GRM8: variants seen among roughly 807,000 people sequenced by gnomAD.
The protein encoded by GRM8 is glutamate metabotropic receptor 8, also known as metabotropic glutamate receptor 8.
Under a neutral mutation model 87.2 loss-of-function variants are expected in GRM8, and 47 were observed. The observed-to-expected ratio is 0.54, with a 90% CI of 0.43 to 0.69. The LOEUF is 0.69. Ranked by LOEUF, GRM8 falls within the 30% of genes least tolerant of loss-of-function variation. GRM8 has a pLI of 0.00. For missense variants in GRM8, 1,019 were observed against 1,139.2 expected (o/e 0.89, Z 1.52); for synonymous variants, 396 against 404.5 (o/e 0.98, Z 0.25).
intron 7 of GRM8, among the ~76,000 whole-genome samples, chr7:126,684,672 C>A (rs1310425974): frequency 6.6e-6 from 1 of 152,112 alleles, no homozygotes; most frequent in African/African-American, 2.4e-5. Context: ...CAGACAGGCT[C>A]AGGATTAAAT....
At chr7:127,193,247 G>A (rs1587243287) in intron 2 of GRM8, among the ~76,000 whole-genome samples, 2 of 152,096 alleles carry the variant, frequency 1.3e-5, no homozygotes, top group East Asian at 3.9e-4. Context: ...CTCGACAAAA[G>A]AACACAACAT....
chr7:126,652,829 C>G (rs1804063173), intron 7 of GRM8, among the ~76,000 whole-genome samples: 1 of 151,986 alleles, frequency 6.6e-6, no homozygotes, highest in Non-Finnish European at 1.5e-5. Context: ...TCTAAAGAAC[C>G]CTGACCAATA....
At chr7:126,630,157 A>G (rs1301252471) in intron 7 of GRM8, among the ~76,000 whole-genome samples, 1 of 152,074 alleles carries the variant, frequency 6.6e-6, no homozygotes, top group Non-Finnish European at 1.5e-5. Context: ...TAGCCTCCAA[A>G]GATTTAGAAC....
intron 8 of GRM8, among the ~76,000 whole-genome samples, chr7:126,552,259 C>T (rs17149953): frequency 3.3e-5 from 5 of 151,924 alleles, no homozygotes; most frequent in Non-Finnish European, 5.9e-5. Flanking sequence ...ATAATGAACT[C>T]CTCTATTAGT....
chr7:126,497,446 T>C (rs1421581023), intron 9 of GRM8, among the ~76,000 whole-genome samples: 1 of 151,978 alleles, frequency 6.6e-6, no homozygotes, highest in East Asian at 1.9e-4. Flanking sequence ...AAGCTGCAAC[T>C]GCCTGAAGTT....
intron 9 of GRM8, among the ~76,000 whole-genome samples, chr7:126,508,318 A>G (rs1810802966): frequency 7.0e-6 from 1 of 143,748 alleles, no homozygotes; most frequent in Non-Finnish European, 1.6e-5. Flanking sequence ...GAAAAATCCA[A>G]GATCAAAGAG....
intron 8 of GRM8, among the ~76,000 whole-genome samples, chr7:126,562,713 G>A (rs568669445): frequency 3.5e-4 from 54 of 152,204 alleles, no homozygotes; most frequent in Admixed American, 3.3e-4. Flanking sequence ...TGACCAACAT[G>A]GAGAAACCCT....
At chr7:126,625,374 T>C (rs897788591) in intron 7 of GRM8, among the ~76,000 whole-genome samples, 1 of 151,924 alleles carries the variant, frequency 6.6e-6, no homozygotes, top group African/African-American at 2.4e-5. Context: ...AATATAGAAG[T>C]ATTAAAAATG....
chr7:127,031,945 T>G (rs570059532), intron 3 of GRM8, among the ~76,000 whole-genome samples: 21 of 152,212 alleles, frequency 1.4e-4, no homozygotes, highest in Non-Finnish European at 2.9e-5. Context: ...TATTTTCTCC[T>G]CATCTACCTT....
chr7:127,160,527 A>ACGCACG (rs1554603504), intron 2 of GRM8, among the ~76,000 whole-genome samples: 2,393 of 149,860 alleles, frequency 0.016, 28 homozygotes, highest in Non-Finnish European at 0.025. Flanking sequence ...AGGCTCCATC[A>ACGCACG]CGCGCGCGCA....
chr7:127,152,634 C>T (rs920508514), intron 2 of GRM8, among the ~76,000 whole-genome samples: 9 of 152,116 alleles, frequency 5.9e-5, no homozygotes, highest in Non-Finnish European at 1.5e-5. Flanking sequence ...AGGGGAAGGT[C>T]AGCCTAGTGT....
In GRM8 at chr7:126,956,628, C is replaced by T. The variant is rs550179124; in HGVS notation, c.728-51945G>A. On this transcript the variant is annotated intron_variant, in intron 3 of 10. Coordinates refer to ENST00000339582, the MANE Select transcript of GRM8 (RefSeq NM_000845.3). ...TTAGATATATCTCCTAATGCTATCC[C>T]TCCCCTCTCCCCCTTAAAATGAAGA... Among the ~76,000 whole-genome samples the T allele has an allele frequency of 1.0e-3, 153 of 152,270 alleles. 1 individual carries two copies. The highest frequency in any genetic ancestry group is 3.2e-4 in the Non-Finnish European group (22 of 68,018).
intron 3 of GRM8, among the ~76,000 whole-genome samples, chr7:126,963,714 C>T (rs538039271): frequency 1.3e-5 from 2 of 152,260 alleles, no homozygotes; most frequent in African/African-American, 4.8e-5. Context: ...TAGGAAGAAT[C>T]AATATCATGA....
chr7:126,633,458 G>C (rs1261367647), intron 7 of GRM8, among the ~76,000 whole-genome samples: 2 of 152,168 alleles, frequency 1.3e-5, no homozygotes, highest in Non-Finnish European at 2.9e-5. Context: ...TGAAGATCTT[G>C]ATGTTATTCG....
chr7:127,059,302 G>T (rs1021203026), intron 3 of GRM8, among the ~76,000 whole-genome samples: 1 of 149,980 alleles, frequency 6.7e-6, no homozygotes, highest in Non-Finnish European at 1.5e-5. Flanking sequence ...TTCTCAAAAT[G>T]ATTGGTTCAT....
At chr7:126,716,965 C>A (rs1309306671) in intron 7 of GRM8, among the ~76,000 whole-genome samples, 1 of 152,114 alleles carries the variant, frequency 6.6e-6, no homozygotes, top group Admixed American at 6.5e-5. Context: ...TCCTTAAAAT[C>A]TTTTGAGGTG....
intron 6 of GRM8, among the ~76,000 whole-genome samples, chr7:126,865,675 C>T (rs1429554807): frequency 2.0e-5 from 3 of 152,192 alleles, no homozygotes; most frequent in African/African-American, 7.2e-5. Context: ...TATAAATGGA[C>T]TCATAACAGG....
rs59437677 is a variant in GRM8, at chr7:126,528,614, T to TTGTGTGTGTGTGTGTG, written c.2430+4322_2430+4337dup. Among the ~76,000 whole-genome samples the TTGTGTGTGTGTGTGTG allele has an allele frequency of 2.7e-3, 401 of 149,194 alleles. 2 individuals are homozygous for TTGTGTGTGTGTGTGTG. Among genetic ancestry groups the TTGTGTGTGTGTGTGTG allele is most frequent in the South Asian group, 4.9e-3 (23 of 4,658 alleles). ...ACACACCATACAGAGACAAAAGAAGTTGTGTGTGTGTGTGTGTGTGTGTGT... is the reference window on the plus strand; with the variant it reads ...ACACACCATACAGAGACAAAAGAAGTTGTGTGTGTGTGTGTGTGTGTGTGTGTGTGTGTGTGTGTGT... On this transcript the variant is annotated intron_variant, in intron 9 of 10. Transcript: ENST00000339582.
At chr7:126,681,893 T>A (rs1423879106) in intron 7 of GRM8, among the ~76,000 whole-genome samples, 1 of 152,202 alleles carries the variant, frequency 6.6e-6, no homozygotes, top group African/African-American at 2.4e-5. Context: ...TCCTTCTTAT[T>A]TACTGTATTT....
Sources: allele counts gnomAD v4.1 joint callset (sites outside exome capture counted in the v4.1 genomes callset), GRCh38; gene constraint gnomAD v4.1.1; transcripts MANE v1.5; gene names NCBI Gene and HGNC (gene_info 2026-07-23, HGNC 2026-07-21).